SPTBN4: variants seen among roughly 807,000 people sequenced by gnomAD.
SPTBN4 encodes spectrin beta, non-erythrocytic 4.
SPTBN4 carries 96 observed loss-of-function variants against 277.8 expected under a neutral mutation model. The observed-to-expected ratio is 0.35, with a 90% CI of 0.29 to 0.41. The LOEUF (loss-of-function observed/expected upper bound fraction) is 0.41. Among genes scored for constraint, SPTBN4 ranks in the 10% least tolerant of loss-of-function variants. The pLI is 1.00. For synonymous variants in SPTBN4, 1,481 were observed against 1,580.3 expected, an observed-to-expected ratio of 0.94 and a Z score of 1.49; for missense variants, 3,006 against 3,595.7, an observed-to-expected ratio of 0.84 and a Z score of 4.19.
In SPTBN4 at chr19:40,570,622, G is replaced by C. The variant is rs1158392051; in HGVS notation, c.7213G>C (p.Gly2405Arg). 5 of 1,474,230 alleles carry C rather than the reference G, an allele frequency of 3.4e-6. No homozygotes were observed. Among genetic ancestry groups the C allele is most frequent in the Non-Finnish European group, 3.6e-6 (4 of 1,112,342 alleles). The allele number at this position is 1,474,230 out of a possible 1,614,324, so 91.3% of individuals were successfully genotyped here. A position where few individuals can be genotyped will look rare whatever the true frequency, so the allele number is the denominator to read the frequency against. Residue 2405 changes from glycine to arginine, a missense_variant, in exon 33 of 36, where the codon GGC (glycine) becomes CGC (arginine). Around this residue, in one of 5 missense-constraint regions of SPTBN4, gnomAD observed 630 missense variants for 677.6 expected, o/e 0.93. Transcript: ENST00000598249. The stretch of plus-strand genomic sequence containing the variant: ...GCGCTCGCGCTCCGCCCCGGCCCAG[G>C]GCGGCTCCGCCCCCGCGCCTCCGCC... ...SRRSRSAPAQ[G>R]GSAPAPPPPP...
chr19:40,525,827 G>A (rs1416313284), intron 17 of SPTBN4, among the ~76,000 whole-genome samples: 2 of 152,212 alleles, frequency 1.3e-5, no homozygotes, highest in Non-Finnish European at 2.9e-5. Context: ...GATGGGAGAC[G>A]TGCAGCCGCT....
At chr19:40,487,922 G>A (rs763631662) in intron 3 of SPTBN4, 74 bp downstream of exon 3, 7 of 1,466,968 alleles carry the variant, frequency 4.8e-6, no homozygotes, top group Non-Finnish European at 6.3e-6. Flanking sequence ...TCTCTGGAAG[G>A]GCTGAACTGC....
At chr19:40,492,109 A>C (rs192789470) in intron 4 of SPTBN4, among the ~76,000 whole-genome samples, 3 of 151,360 alleles carry the variant, frequency 2.0e-5, no homozygotes, top group Admixed American at 6.6e-5. Context: ...CTGAGAGCCC[A>C]GGGAGGAGGA....
intron 7 of SPTBN4, among the ~76,000 whole-genome samples, 197 bp downstream of exon 7, chr19:40,497,801 C>T (rs1306949158): frequency 6.6e-6 from 1 of 151,912 alleles, no homozygotes; most frequent in Non-Finnish European, 1.5e-5. Context: ...CGATCCCTCC[C>T]ACATACCATC....
At chr19:40,488,996 A>C (rs754676163) in intron 3 of SPTBN4, among the ~76,000 whole-genome samples, 1 of 151,758 alleles carries the variant, frequency 6.6e-6, no homozygotes, top group Non-Finnish European at 1.5e-5. Flanking sequence ...AAATAACCCA[A>C]GCGCTGTGGT....
At position 40,567,775 on chromosome 19, in the gene SPTBN4, C is replaced by T; in HGVS notation, c.6449C>T (p.Pro2150Leu). Residue 2150 changes from proline (P) to leucine (L), a missense_variant, in exon 31 of 36, where the codon CCA (proline) becomes CTA (leucine). Pro to Leu is a moderately conservative substitution (Grantham distance 98). Around this residue, in one of 5 missense-constraint regions of SPTBN4, gnomAD observed 630 missense variants for 677.6 expected, o/e 0.93. Transcript: ENST00000598249. The stretch of plus-strand genomic sequence containing the variant: ...GCCAAGGCGGCGCCCCTGCTGCGGC[C>T]AGGGGGCTATGAAAGGGGCTTGGAG... ...LAAKAAPLLRPGGYERGLEPL... is the reference protein window; with the variant it reads ...LAAKAAPLLRLGGYERGLEPL... The T allele has an allele frequency of 6.5e-7, 1 of 1,529,102 alleles. No homozygotes were observed. The highest frequency in any genetic ancestry group is 8.8e-7 in the Non-Finnish European group (1 of 1,138,000). The allele number at this position is 1,529,102 out of a possible 1,614,324, so 94.7% of individuals were successfully genotyped here. A position where few individuals can be genotyped will look rare whatever the true frequency, so the allele number is the denominator to read the frequency against.
chr19:40,506,111 C>G (rs2080326863), intron 12 of SPTBN4, 125 bp from the exon 13 acceptor site: 1 of 1,301,692 alleles, frequency 7.7e-7, no homozygotes, highest in Non-Finnish European at 1.0e-6. Flanking sequence ...TGGTCCATAT[C>G]TCTCCAAGAG....
intron 18 of SPTBN4, chr19:40,530,627 C>T: frequency 1.0e-6 from 1 of 959,344 alleles, no homozygotes; most frequent in Non-Finnish European, 1.2e-6. Context: ...TTGGCGCGCA[C>T]CCCGCGGACG....
chr19:40,504,141 G>GGT lies in SPTBN4; in HGVS notation c.1665+10_1665+11insTG, dbSNP rs765921397. 1 of 1,280,158 alleles carries GGT rather than the reference G, an allele frequency of 7.8e-7. No individual in the cohort carries two copies. Among genetic ancestry groups the GGT allele is most frequent in the African/African-American group, 1.7e-5 (1 of 57,868 alleles). 79.3% of individuals were successfully genotyped at this position (1,280,158 alleles called of 1,614,324 possible). A position where few individuals can be genotyped will look rare whatever the true frequency, so the allele number is the denominator to read the frequency against. On this transcript the variant is annotated intron_variant, in intron 12 of 35. Coordinates refer to ENST00000598249, the MANE Select transcript of SPTBN4 (RefSeq NM_020971.3). Reference sequence around the variant, plus strand: ...GGATGGAGGAGATGCAGGTGCCGGCGGGGGGGCGGGGATGCGGGTGGAGTG... The same window carrying GGT: ...GGATGGAGGAGATGCAGGTGCCGGCGGTGGGGGGCGGGGATGCGGGTGGAGTG...
At chr19:40,476,505 G>C (rs1261595269) in intron 2 of SPTBN4, among the ~76,000 whole-genome samples, 2 of 152,156 alleles carry the variant, frequency 1.3e-5, no homozygotes, top group Non-Finnish European at 2.9e-5. Context: ...TAGAGCCTTA[G>C]AACCTTAAAA....
In SPTBN4 at chr19:40,529,031, C is replaced by T. The variant is rs372602187; in HGVS notation, c.3858-10C>T. ...GGGCCTTTCCCCAGCCCTTATCTCC[C>T]CATCCCCAGGAACCAAGAAAACCAG... On this transcript the variant is annotated splice_polypyrimidine_tract_variant and intron_variant, in intron 17 of 35. Coordinates refer to ENST00000598249, the MANE Select transcript of SPTBN4 (RefSeq NM_020971.3). 1.0e-4 allele frequency: 162 copies of T among 1,613,172 alleles called. No homozygotes were observed. Among genetic ancestry groups the T allele is most frequent in the Non-Finnish European group, 1.3e-4 (150 of 1,179,434 alleles).
At chr19:40,492,573 G>A (rs183619982) in intron 4 of SPTBN4, among the ~76,000 whole-genome samples, 2 of 152,110 alleles carry the variant, frequency 1.3e-5, no homozygotes. Context: ...TTGAAAAGAG[G>A]AGCAAGGATC....
At position 40,567,837 on chromosome 19, in the gene SPTBN4, G is replaced by A. The variant is rs915396250; in HGVS notation, c.6511G>A (p.Glu2171Lys). 2.6e-6 allele frequency: 4 copies of A among 1,523,322 alleles called. No homozygotes were observed. The African/African-American group carries it at 4.3e-5, about 16-fold the overall frequency. The allele number at this position is 1,523,322 out of a possible 1,614,324, so 94.4% of individuals were successfully genotyped here. ...ARRASDTLSAEVRTRVGYVRQ... is the reference protein window; with the variant it reads ...ARRASDTLSAKVRTRVGYVRQ... ...CCGAGCCTCGGACACGCTCTCGGCC[G>A]AGGTGCGGACTCGGGTGGGGTATGT... The change falls in exon 31 of 36, where the codon GAG becomes AAG. Residue 2171 changes from glutamate to lysine, a missense_variant. Physicochemically the swap from Glu to Lys is moderately conservative, Grantham distance 56. Transcript: ENST00000598249.
chr19:40,563,419 A>C (rs1161625848), intron 27 of SPTBN4, among the ~76,000 whole-genome samples: 1 of 152,078 alleles, frequency 6.6e-6, no homozygotes, highest in African/African-American at 2.4e-5. Context: ...GCTGTCCAAT[A>C]GTTATATAAC....
At position 40,512,896 on chromosome 19, in the gene SPTBN4, A is replaced by T; in HGVS notation, c.2107A>T (p.Ile703Phe). Residue 703 changes from isoleucine to phenylalanine, a missense_variant, in exon 14 of 36, where the codon ATC (isoleucine) becomes TTC (phenylalanine). Coordinates refer to ENST00000598249, the MANE Select transcript of SPTBN4 (RefSeq NM_020971.3). ...AGCGCGCCTCCTGGCCCAGCACAAG[A>T]TCCTGCAGGGCGAGCTGGGCGGGCG... The part of the protein sequence containing the change: ...STARLLAQHK[I>F]LQGELGGRRA... 1 of 1,437,492 alleles carries T rather than the reference A, an allele frequency of 7.0e-7. No individual in the cohort carries two copies. Among genetic ancestry groups the T allele is most frequent in the Non-Finnish European group, 9.0e-7 (1 of 1,106,356 alleles). The allele number at this position is 1,437,492 out of a possible 1,614,324, so 89.0% of individuals were successfully genotyped here. A position where few individuals can be genotyped will look rare whatever the true frequency, so the allele number is the denominator to read the frequency against.
intron 12 of SPTBN4, 131 bp from the exon 13 acceptor site, chr19:40,506,105 C>T: frequency 8.0e-7 from 1 of 1,246,976 alleles, no homozygotes; most frequent in Non-Finnish European, 1.1e-6. Flanking sequence ...TGAGGCTGGT[C>T]CATATCTCTC....
chr19:40,558,911 AATT>A (rs371965577), intron 26 of SPTBN4, among the ~76,000 whole-genome samples: 3,250 of 125,902 alleles, frequency 0.026, 95 homozygotes, highest in African/African-American at 0.081. Context: ...CCCAGCTGGC[AATT>A]ATTATTATTA....
chr19:40,568,585 A>G (rs746464147), intron 31 of SPTBN4, among the ~76,000 whole-genome samples: 6 of 152,124 alleles, frequency 3.9e-5, no homozygotes, highest in Non-Finnish European at 8.8e-5. Context: ...CGAGGCAGGG[A>G]TTTTGTCCTC....
rs373226041 is a variant in SPTBN4, at chr19:40,528,079, A to G, written c.3858-962A>G. 1.0e-4 allele frequency among the ~76,000 whole-genome samples: 14 copies of G among 138,238 alleles called. 1 individual carries two copies. Among genetic ancestry groups the G allele is most frequent in the African/African-American group, 3.8e-4 (14 of 37,216 alleles). 90.7% of individuals were successfully genotyped at this position (138,238 alleles called of 152,430 possible). A position where few individuals can be genotyped will look rare whatever the true frequency, so the allele number is the denominator to read the frequency against. ...TCAAAAAAAAAAAAAAAAAAAAAGG[A>G]CTCTAAGGACTCTCATGGAGACCCT... On this transcript the variant is annotated intron_variant, in intron 17 of 35. Coordinates refer to ENST00000598249, the MANE Select transcript of SPTBN4 (RefSeq NM_020971.3).
Sources: gnomAD v4.1 joint callset for allele counts (sites outside exome capture counted in the v4.1 genomes callset) on GRCh38, gnomAD v4.1.1 for gene constraint, gnomAD v4.1.1 regional missense constraint, MANE v1.5 for transcripts, NCBI Gene and HGNC (gene_info 2026-07-23, HGNC 2026-07-21) for gene names.